Variants in UNC79 observed in about 807,000 individuals in gnomAD.
The protein encoded by UNC79 is protein unc-79 homolog.
In UNC79, 37 loss-of-function variants were observed where a neutral mutation model predicts 283.1. The observed-to-expected ratio is 0.13, with a 90% CI of 0.10 to 0.17. The LOEUF (loss-of-function observed/expected upper bound fraction) is 0.17. Ranked by LOEUF, UNC79 falls within the 10% of genes least tolerant of loss-of-function variation. The pLI, the probability that UNC79 is intolerant of heterozygous loss-of-function variation, is 1.00. For missense variants in UNC79, 2,272 were observed against 3,211.1 expected, an observed-to-expected ratio of 0.71 and a Z score of 7.07; for synonymous variants, 1,107 against 1,200.2, an observed-to-expected ratio of 0.92 and a Z score of 1.61.
chr14:93,650,969 G>A (rs1046497284), intron 35 of UNC79, among the ~76,000 whole-genome samples: 7 of 150,670 alleles, frequency 4.6e-5, no homozygotes, highest in African/African-American at 1.7e-4. Context: ...TATGTATGGT[G>A]TGAGGCAGCA....
At chr14:93,487,620 G>A (rs777686084) in intron 4 of UNC79, 43 bp from the exon 5 acceptor site, 93 of 1,532,706 alleles carry the variant, frequency 6.1e-5, no homozygotes, top group Non-Finnish European at 3.7e-5. Context: ...ACAGGTATAT[G>A]TAGAGATTAA....
intron 10 of UNC79, 130 bp downstream of exon 10, chr14:93,529,456 G>T: frequency 1.0e-6 from 1 of 967,744 alleles, no homozygotes; most frequent in South Asian, 1.8e-5. Flanking sequence ...AATATTCATT[G>T]ATATGAAGCA....
At chr14:93,706,556 C>A in intron 48 of UNC79, 148 bp from the exon 52 acceptor site, 1 of 796,394 alleles carries the variant, frequency 1.3e-6, no homozygotes. Flanking sequence ...CCGCCCTGGG[C>A]ACTGCCAGAG....
chr14:93,704,634 A>C lies in UNC79; in HGVS notation c.7558A>C (p.Met2520Leu), dbSNP rs760797300. The C allele has an allele frequency of 2.2e-5, 36 of 1,614,182 alleles. No homozygotes were observed. In the Admixed American group the frequency reaches 5.7e-4, roughly 25 times the overall value. ...GTCTTTCTCTATACAGCTGATACCT[A>C]TGTGGTTGCCAATGATTCAGTCAAA... Residue 2520 changes from methionine (M) to leucine (L), a missense_variant, in exon 48 of 49, where the codon ATG becomes CTG. Transcript: ENST00000555664.
At chr14:93,421,226 G>A (rs2055592270) in intron 1 of UNC79, among the ~76,000 whole-genome samples, 2 of 151,452 alleles carry the variant, frequency 1.3e-5, no homozygotes, top group Admixed American at 1.3e-4. Flanking sequence ...GAAAAAAAGA[G>A]GGAAGACTCA....
intron 1 of UNC79, among the ~76,000 whole-genome samples, chr14:93,419,510 C>G (rs2055543411): frequency 6.6e-6 from 1 of 151,498 alleles, no homozygotes; most frequent in Non-Finnish European, 1.5e-5. Context: ...TGAACTCATC[C>G]AAGATAATAA....
intron 38 of UNC79, among the ~76,000 whole-genome samples, chr14:93,657,339 G>A (rs540415197): frequency 6.8e-6 from 1 of 146,212 alleles, no homozygotes; most frequent in African/African-American, 2.5e-5. Flanking sequence ...GGGATGGGAT[G>A]AGGTATGGCA....
At chr14:93,683,075 T>A (rs1208682267) in intron 42 of UNC79, among the ~76,000 whole-genome samples, 1 of 152,204 alleles carries the variant, frequency 6.6e-6, no homozygotes, top group Non-Finnish European at 1.5e-5. Flanking sequence ...TAAATCTTTG[T>A]CCATACTTCA....
At chr14:93,698,348 A>C (rs2075292240) in intron 47 of UNC79, among the ~76,000 whole-genome samples, 1 of 151,152 alleles carries the variant, frequency 6.6e-6, no homozygotes, top group South Asian at 2.1e-4. Context: ...ATGTGGATTT[A>C]TTTTTGCTTA....
At chr14:93,659,726 A>T (rs1281478076) in intron 39 of UNC79, among the ~76,000 whole-genome samples, 1 of 152,206 alleles carries the variant, frequency 6.6e-6, no homozygotes, top group Non-Finnish European at 1.5e-5. Flanking sequence ...CAGCGTTATC[A>T]TCATCATCAT....
chr14:93,598,161 C>CT (rs953141891), intron 24 of UNC79, among the ~76,000 whole-genome samples: 14 of 149,352 alleles, frequency 9.4e-5, no homozygotes, highest in African/African-American at 1.2e-4. Flanking sequence ...TAATTTTTAA[C>CT]TTTTTTTTTT....
intron 12 of UNC79, among the ~76,000 whole-genome samples, chr14:93,539,269 T>C (rs1187992222): frequency 6.9e-6 from 1 of 145,324 alleles, no homozygotes; most frequent in Non-Finnish European, 1.5e-5. Flanking sequence ...GCGCCTGTAA[T>C]CCCAGCACTT....
intron 8 of UNC79, among the ~76,000 whole-genome samples, chr14:93,526,426 AGTGAAAAACAATCAGTAATACTTATCATG>A (rs1209543263): frequency 6.6e-6 from 1 of 152,230 alleles, no homozygotes; most frequent in Non-Finnish European, 1.5e-5. Flanking sequence ...AAGGTTACAT[AGTGAAAAACAATCAGTAATACTTATCATG>A]GTGAAAAACA....
intron 1 of UNC79, chr14:93,347,243 C>T: frequency 6.3e-7 from 1 of 1,584,972 alleles, no homozygotes. Flanking sequence ...GCTGTCCACG[C>T]CTGGCTTTGT....
intron 30 of UNC79, among the ~76,000 whole-genome samples, chr14:93,624,164 G>A (rs1453229448): frequency 1.3e-5 from 2 of 152,240 alleles, no homozygotes; most frequent in East Asian, 1.9e-4. Flanking sequence ...GAATGCACTC[G>A]GCTTTTTTAT....
At chr14:93,634,681 A>G in intron 31 of UNC79, 44 bp downstream of exon 34, 1 of 1,495,468 alleles carries the variant, frequency 6.7e-7, no homozygotes, top group Non-Finnish European at 9.3e-7. Flanking sequence ...CGGATTAGTG[A>G]ATGCTACTTT....
At chr14:93,550,153 C>G (rs1351846520) in intron 14 of UNC79, among the ~76,000 whole-genome samples, 1 of 152,160 alleles carries the variant, frequency 6.6e-6, no homozygotes, top group Non-Finnish European at 1.5e-5. Flanking sequence ...ATTTTCTACA[C>G]AAGGTTGGTT....
chr14:93,453,364 C>T (rs542607080), intron 1 of UNC79, among the ~76,000 whole-genome samples: 5 of 152,198 alleles, frequency 3.3e-5, no homozygotes, highest in Admixed American at 1.3e-4. Context: ...CGTATATCCC[C>T]GAAATTATTT....
chr14:93,357,957 A>C (rs551122406), intron 1 of UNC79, among the ~76,000 whole-genome samples: 16 of 67,672 alleles, frequency 2.4e-4, no homozygotes, highest in Admixed American at 1.0e-3. Flanking sequence ...ATATATATCT[A>C]TATATATCCA....
Sources: allele counts gnomAD v4.1 joint callset (sites outside exome capture counted in the v4.1 genomes callset), GRCh38; gene constraint gnomAD v4.1.1; transcripts MANE v1.5; gene names NCBI Gene and HGNC (gene_info 2026-07-23, HGNC 2026-07-21).